Variants in SH3GL2 observed in about 807,000 individuals in gnomAD.
The protein encoded by SH3GL2 is endophilin-A1.
SH3GL2 carries 24 observed loss-of-function variants against 46.0 expected under a neutral mutation model. That is an observed-to-expected ratio of 0.52 (90% CI 0.38 to 0.73). The LOEUF (loss-of-function observed/expected upper bound fraction) is 0.73. Among genes scored for constraint, SH3GL2 ranks in the 30% least tolerant of loss-of-function variants. SH3GL2 has a pLI of 0.00. For synonymous variants in SH3GL2, 196 were observed against 147.1 expected, an observed-to-expected ratio of 1.33 and a Z score of -2.40; for missense variants, 413 against 424.2, an observed-to-expected ratio of 0.97 and a Z score of 0.23.
chr9:17,651,477 C>G (rs912506214), intron 1 of SH3GL2, among the ~76,000 whole-genome samples: 14 of 152,064 alleles, frequency 9.2e-5, no homozygotes, highest in Admixed American at 3.3e-4. Flanking sequence ...ATAATTAATG[C>G]TGTGTTTGCC....
At chr9:17,612,357 A>G (rs1818887330) in intron 1 of SH3GL2, among the ~76,000 whole-genome samples, 1 of 152,194 alleles carries the variant, frequency 6.6e-6, no homozygotes, top group Non-Finnish European at 1.5e-5. Flanking sequence ...TTTGTGTGGG[A>G]CTGACACAAC....
intron 1 of SH3GL2, among the ~76,000 whole-genome samples, chr9:17,621,058 T>C (rs1401744935): frequency 1.3e-5 from 2 of 152,180 alleles, no homozygotes; most frequent in African/African-American, 4.8e-5. Context: ...TTGCTGTGGT[T>C]TTCGTGTATG....
chr9:17,724,767 A>C (rs117839552), intron 1 of SH3GL2, among the ~76,000 whole-genome samples: 1,729 of 152,210 alleles, frequency 0.011, 20 homozygotes, highest in Middle Eastern at 0.027. Flanking sequence ...TTATTTGAAG[A>C]ATATTTTTCT....
At chr9:17,675,078 T>C (rs1028763368) in intron 1 of SH3GL2, among the ~76,000 whole-genome samples, 1 of 152,324 alleles carries the variant, frequency 6.6e-6, no homozygotes, top group East Asian at 1.9e-4. Context: ...TGAATTGACG[T>C]CTCTACTTTT....
intron 1 of SH3GL2, 122 bp from the exon 2 acceptor site, chr9:17,746,944 C>G (rs1822706519): frequency 3.0e-6 from 2 of 664,056 alleles, no homozygotes; most frequent in East Asian, 5.6e-5. Flanking sequence ...AGACTCTCCA[C>G]CTAAGTCAGG....
At chr9:17,772,516 G>A (rs978817866) in intron 3 of SH3GL2, among the ~76,000 whole-genome samples, 64 of 152,118 alleles carry the variant, frequency 4.2e-4, no homozygotes, top group African/African-American at 1.7e-4. Flanking sequence ...TACTTCAGCC[G>A]CTGGCTACCA....
chr9:17,615,312 G>T (rs907184183), intron 1 of SH3GL2, among the ~76,000 whole-genome samples: 7 of 152,108 alleles, frequency 4.6e-5, no homozygotes, highest in Non-Finnish European at 8.8e-5. Flanking sequence ...AATAAATTGG[G>T]TATTTAAGAT....
intron 1 of SH3GL2, among the ~76,000 whole-genome samples, chr9:17,626,973 ATCT>A (rs1248804682): frequency 6.6e-6 from 1 of 152,110 alleles, no homozygotes; most frequent in Non-Finnish European, 1.5e-5. Flanking sequence ...AGCCAGGATA[ATCT>A]TCTTTAACCT....
rs1451694145 is a variant in SH3GL2, at chr9:17,795,749, T to C, written c.*6T>C. The C allele has an allele frequency of 6.2e-7, 1 of 1,611,484 alleles. No homozygotes were observed. Among genetic ancestry groups the C allele is most frequent in the South Asian group, 1.1e-5 (1 of 90,902 alleles). On this transcript the variant is annotated 3_prime_UTR_variant, in exon 9 of 9. Transcript: ENST00000380607. Reference sequence around the variant, plus strand: ...TGGTTGCCCTGCCCCATTAGGATGTTATGCTGGCTGGCTCGCCTCCTCTTG... The same window carrying C: ...TGGTTGCCCTGCCCCATTAGGATGTCATGCTGGCTGGCTCGCCTCCTCTTG...
chr9:17,785,083 A>T (rs1248379138), intron 3 of SH3GL2, among the ~76,000 whole-genome samples: 1 of 152,136 alleles, frequency 6.6e-6, no homozygotes, highest in East Asian at 1.9e-4. Flanking sequence ...AATGAATTTT[A>T]TATTTTTTCC....
At chr9:17,592,271 G>A (rs1014383849) in intron 1 of SH3GL2, among the ~76,000 whole-genome samples, 2 of 152,224 alleles carry the variant, frequency 1.3e-5, no homozygotes, top group Non-Finnish European at 2.9e-5. Flanking sequence ...GCGATTGGAT[G>A]TCTGCTGCCC....
rs539889001 is a variant in SH3GL2 at position 17,612,968 on chromosome 9, AT to A, written c.45+33688del. ...ACAATATATGGTCTTTAGTGTCTGA[AT>A]TTTTTTCACAGTTTATCCATCTTGT... On this transcript the variant is annotated intron_variant, in intron 1 of 8. Coordinates refer to ENST00000380607, the MANE Select transcript of SH3GL2 (RefSeq NM_003026.5). Among the ~76,000 whole-genome samples the A allele has an allele frequency of 7.9e-5, 12 of 152,002 alleles. No homozygotes were observed. In the South Asian group the frequency reaches 2.3e-3, roughly 29 times the overall value.
chr9:17,660,505 T>G (rs1449028766), intron 1 of SH3GL2, among the ~76,000 whole-genome samples: 1 of 152,226 alleles, frequency 6.6e-6, no homozygotes, highest in African/African-American at 2.4e-5. Flanking sequence ...AGGTGTGATA[T>G]TTGGTACACA....
At chr9:17,582,974 C>A (rs1563771042) in intron 1 of SH3GL2, among the ~76,000 whole-genome samples, 2 of 152,160 alleles carry the variant, frequency 1.3e-5, no homozygotes, top group East Asian at 3.9e-4. Context: ...TTGGGCAAGC[C>A]CATCCTACTC....
chr9:17,779,436 G>C (rs982244486), intron 3 of SH3GL2, among the ~76,000 whole-genome samples: 1 of 152,104 alleles, frequency 6.6e-6, no homozygotes, highest in Non-Finnish European at 1.5e-5. Flanking sequence ...TTTCCTGTTA[G>C]TAACTATGAG....
At chr9:17,678,664 T>C (rs1388781080) in intron 1 of SH3GL2, among the ~76,000 whole-genome samples, 1 of 152,234 alleles carries the variant, frequency 6.6e-6, no homozygotes, top group African/African-American at 2.4e-5. Context: ...TTTTGTCTTT[T>C]GTTGCCATTG....
intron 1 of SH3GL2, among the ~76,000 whole-genome samples, chr9:17,688,302 C>T (rs369632006): frequency 3.8e-4 from 58 of 151,850 alleles, no homozygotes; most frequent in African/African-American, 1.1e-3. Flanking sequence ...TTTCTGTTTA[C>T]GTAGTATTTT....
At position 17,796,994 on chromosome 9, in the gene SH3GL2, A is replaced by G. The variant is rs1352272873; in HGVS notation, c.*1251A>G. ...GCTGTACAGACTCTTTCAGAGGTTT[A>G]ACGTGCTGCTTCCGATGTGCCACCT... On this transcript the variant is annotated 3_prime_UTR_variant, in exon 9 of 9. Coordinates refer to ENST00000380607, the MANE Select transcript of SH3GL2 (RefSeq NM_003026.5). The G allele has an allele frequency of 2.0e-5, 3 of 152,634 alleles. No individual in the cohort carries two copies. The highest frequency in any genetic ancestry group is 4.4e-5 in the Non-Finnish European group (3 of 68,046). 9.5% of individuals were successfully genotyped at this position (152,634 alleles called of 1,614,324 possible).
intron 3 of SH3GL2, 116 bp downstream of exon 3, chr9:17,761,625 T>G (rs371122428): frequency 1.3e-6 from 1 of 792,172 alleles, no homozygotes. Context: ...TCGGTCCACT[T>G]TTCTGAGAGG....
Sources: allele counts gnomAD v4.1 joint callset (sites outside exome capture counted in the v4.1 genomes callset), GRCh38; gene constraint gnomAD v4.1.1; transcripts MANE v1.5; gene names NCBI Gene and HGNC (gene_info 2026-07-23, HGNC 2026-07-21).